WWOX: variants seen among roughly 807,000 people sequenced by gnomAD.
WWOX encodes WW domain containing oxidoreductase, also known as WW domain-containing oxidoreductase.
Under a neutral mutation model 46.2 loss-of-function variants are expected in WWOX, and 69 were observed. The ratio of observed to expected loss-of-function variants is 1.49; its 90% CI spans 1.23 to 1.82. WWOX has a LOEUF of 1.82. Among genes scored for constraint, WWOX ranks in the 40% most tolerant of loss-of-function variants. The pLI is 0.00. For synonymous variants in WWOX, 359 were observed against 202.6 expected, an observed-to-expected ratio of 1.77 and a Z score of -6.56; for missense variants, 919 against 542.6, an observed-to-expected ratio of 1.69 and a Z score of -6.89.
intron 8 of WWOX, among the ~76,000 whole-genome samples, chr16:78,450,810 C>A (rs2083673114): frequency 1.3e-5 from 2 of 152,078 alleles, no homozygotes. Context: ...TAACCCAGAG[C>A]AGATTTCCTC....
intron 5 of WWOX, among the ~76,000 whole-genome samples, chr16:78,310,816 G>A (rs1321964918): frequency 2.6e-5 from 4 of 152,184 alleles, no homozygotes; most frequent in Admixed American, 6.5e-5. Flanking sequence ...TAAGCCCTGA[G>A]AGAACCCAGT....
At chr16:78,703,948 A>T (rs190446577) in intron 8 of WWOX, among the ~76,000 whole-genome samples, 2 of 152,282 alleles carry the variant, frequency 1.3e-5, no homozygotes, top group East Asian at 1.9e-4. Context: ...GATTTATACC[A>T]TAATATTTAT....
chr16:78,545,914 C>G (rs1158753055), intron 8 of WWOX, among the ~76,000 whole-genome samples: 1 of 152,108 alleles, frequency 6.6e-6, no homozygotes, highest in Non-Finnish European at 1.5e-5. Context: ...ATTAGGGCAC[C>G]ACGCTTATGA....
intron 8 of WWOX, among the ~76,000 whole-genome samples, chr16:79,014,620 G>C (rs2047377043): frequency 6.6e-6 from 1 of 152,140 alleles, no homozygotes; most frequent in Admixed American, 6.5e-5. Context: ...CAGCTACTCA[G>C]TGCCTAAGAC....
chr16:78,317,643 C>T (rs754615054), intron 5 of WWOX, among the ~76,000 whole-genome samples: 4 of 151,976 alleles, frequency 2.6e-5, no homozygotes, highest in East Asian at 1.9e-4. Flanking sequence ...GGTGTTTTTT[C>T]GAAGTCTGCC....
intron 8 of WWOX, among the ~76,000 whole-genome samples, chr16:78,695,454 G>C (rs1390343966): frequency 1.3e-5 from 2 of 152,046 alleles, no homozygotes; most frequent in African/African-American, 4.8e-5. Flanking sequence ...CCTTCTTTTG[G>C]AGCAGAGAAG....
intron 8 of WWOX, among the ~76,000 whole-genome samples, chr16:78,977,036 T>A (rs1225289205): frequency 6.6e-6 from 1 of 152,182 alleles, no homozygotes; most frequent in African/African-American, 2.4e-5. Flanking sequence ...CCTGGGACAA[T>A]CAGGTTTCAA....
At chr16:79,031,671 C>G (rs1041006225) in intron 8 of WWOX, among the ~76,000 whole-genome samples, 4 of 149,904 alleles carry the variant, frequency 2.7e-5, no homozygotes, top group African/African-American at 4.9e-5. Context: ...TTAATACCAT[C>G]TTTTTTGAAT....
chr16:78,969,515 A>G (rs183262659), intron 8 of WWOX, among the ~76,000 whole-genome samples: 303 of 151,572 alleles, frequency 2.0e-3, no homozygotes, highest in Non-Finnish European at 3.3e-3. Flanking sequence ...AAGTGATCCA[A>G]CCGCCTCAGC....
chr16:78,946,523 T>G (rs1289370269), intron 8 of WWOX, among the ~76,000 whole-genome samples: 5 of 152,080 alleles, frequency 3.3e-5, no homozygotes, highest in Non-Finnish European at 7.4e-5. Context: ...TCAAGAAGTT[T>G]CTAGATGCAC....
At chr16:78,568,552 T>C (rs2044634630) in intron 8 of WWOX, among the ~76,000 whole-genome samples, 1 of 150,096 alleles carries the variant, frequency 6.7e-6, no homozygotes, top group Non-Finnish European at 1.5e-5. Flanking sequence ...CCTGGGTCAC[T>C]GCAACCTCTG....
rs56693811 is a variant in WWOX, at chr16:78,854,540, C to T, written c.1057-357068C>T. Among the ~76,000 whole-genome samples the T allele has an allele frequency of 2.7e-3, 408 of 152,292 alleles. 5 individuals carry two copies. The highest frequency in any genetic ancestry group is 9.2e-3 in the African/African-American group (383 of 41,570). ...ACACCCCTGGAACATAAAAATTCCT[C>T]TATTGAGATTAACACCTAACGATAC... On this transcript the variant is annotated intron_variant, in intron 8 of 8. Transcript: ENST00000566780.
At chr16:78,554,346 C>T (rs142711524) in intron 8 of WWOX, among the ~76,000 whole-genome samples, 9 of 152,224 alleles carry the variant, frequency 5.9e-5, no homozygotes, top group Non-Finnish European at 1.2e-4. Context: ...TATTTATATC[C>T]TACCGCTCAA....
At chr16:78,587,989 G>T (rs577973884) in intron 8 of WWOX, among the ~76,000 whole-genome samples, 11 of 152,276 alleles carry the variant, frequency 7.2e-5, no homozygotes, top group African/African-American at 2.6e-4. Flanking sequence ...TGTAGTTGTG[G>T]CAAATAGATA....
chr16:79,073,593 T>A (rs1298124112), intron 8 of WWOX, among the ~76,000 whole-genome samples: 1 of 152,230 alleles, frequency 6.6e-6, no homozygotes, highest in Non-Finnish European at 1.5e-5. Flanking sequence ...CAGACACTGC[T>A]GAGTGTCTTC....
chr16:78,782,154 C>T (rs1231535063), intron 8 of WWOX, among the ~76,000 whole-genome samples: 3 of 152,134 alleles, frequency 2.0e-5, no homozygotes, highest in Admixed American at 1.3e-4. Context: ...CCCCTCCAGC[C>T]TTCTCGCCTT....
At chr16:78,489,293 G>T (rs967064947) in intron 8 of WWOX, among the ~76,000 whole-genome samples, 1 of 152,118 alleles carries the variant, frequency 6.6e-6, no homozygotes, top group East Asian at 1.9e-4. Flanking sequence ...GTTCTCTCCA[G>T]ACCCCCAGGT....
At chr16:78,640,246 T>TG (rs2046673354) in intron 8 of WWOX, among the ~76,000 whole-genome samples, 2 of 145,802 alleles carry the variant, frequency 1.4e-5, no homozygotes, top group African/African-American at 5.1e-5. Flanking sequence ...TTTTTTTTTT[T>TG]TTTTTTTTGG....
intron 8 of WWOX, among the ~76,000 whole-genome samples, chr16:78,942,588 G>C (rs1597183375): frequency 6.9e-6 from 1 of 145,286 alleles, no homozygotes; most frequent in African/African-American, 2.8e-5. Flanking sequence ...CAATCAAGGA[G>C]AGCGTTACAT....
Sources: allele counts gnomAD v4.1 joint callset (sites outside exome capture counted in the v4.1 genomes callset), GRCh38; gene constraint gnomAD v4.1.1; transcripts MANE v1.5; gene names NCBI Gene and HGNC (gene_info 2026-07-23, HGNC 2026-07-21).